Variants in WDR27 observed in about 807,000 individuals in gnomAD.
WDR27 encodes WD repeat domain 27.
WDR27 carries 100 observed loss-of-function variants against 114.4 expected under a neutral mutation model. That is an observed-to-expected ratio of 0.87 (90% confidence interval 0.74 to 1.03). The LOEUF (loss-of-function observed/expected upper bound fraction) is 1.03, where lower values mean the gene tolerates loss of function less well. Among genes scored for constraint, WDR27 ranks in the 50% least tolerant of loss-of-function variants. WDR27 has a pLI of 0.00. For missense variants in WDR27, 1,129 were observed against 1,092.9 expected (o/e 1.03, Z -0.47); for synonymous variants, 449 against 423.1 (o/e 1.06, Z -0.75).
chr6:169,446,796 T>C, the WDR27 span, among the ~76,000 whole-genome samples: 1 of 152,224 alleles, frequency 6.6e-6, no homozygotes. Context: ...TGATAACCAC[T>C]TGGTTATTAA....
Position 169,602,324 on chromosome 6 carries a change from A to G in WDR27, c.2322-3T>C. On this transcript the variant is annotated splice_region_variant and splice_polypyrimidine_tract_variant and intron_variant, in intron 22 of 25. Transcript: ENST00000448612. Reference sequence around the variant, plus strand: ...GCCCTTCAAAGTGGCGCTCACACCTACAGGGAGGAAAGAAACACCAGGAGA... The same window carrying G: ...GCCCTTCAAAGTGGCGCTCACACCTGCAGGGAGGAAAGAAACACCAGGAGA... 2.0e-6 allele frequency: 3 copies of G among 1,514,062 alleles called. No homozygotes were observed. Among genetic ancestry groups the G allele is most frequent in the African/African-American group, 1.4e-5 (1 of 72,846 alleles). The allele number at this position is 1,514,062 out of a possible 1,614,324, so 93.8% of individuals were successfully genotyped here. A position where few individuals can be genotyped will look rare whatever the true frequency, so the allele number is the denominator to read the frequency against.
intron 21 of WDR27, among the ~76,000 whole-genome samples, chr6:169,621,179 C>T (rs1286134933): frequency 6.6e-6 from 1 of 152,074 alleles, no homozygotes; most frequent in African/African-American, 2.4e-5. Flanking sequence ...CATGCATGCA[C>T]ATATACATAC....
At chr6:169,561,634 A>G (rs1439682170) in intron 25 of WDR27, among the ~76,000 whole-genome samples, 1 of 151,986 alleles carries the variant, frequency 6.6e-6, no homozygotes, top group Non-Finnish European at 1.5e-5. Flanking sequence ...GGGCCAAAAG[A>G]AAGCACAAAA....
At chr6:169,478,562 GAAA>G (rs145057081) in intron 25 of WDR27, among the ~76,000 whole-genome samples, 11 of 145,612 alleles carry the variant, frequency 7.6e-5, no homozygotes. Flanking sequence ...AATGCCCAAA[GAAA>G]AAAAAAAGAT....
rs770325323 is a variant in WDR27, at chr6:169,660,785, G to C, written c.1026-19C>G. 4.4e-6 allele frequency: 7 copies of C among 1,603,724 alleles called. No individual in the cohort carries two copies. Among genetic ancestry groups the C allele is most frequent in the Non-Finnish European group, 6.0e-6 (7 of 1,172,978 alleles). On this transcript the variant is annotated intron_variant, in intron 9 of 25. Coordinates refer to ENST00000448612, the MANE Select transcript of WDR27 (RefSeq NM_182552.5). ...AGAAAGACTGATTTAAGGAAAAAAA[G>C]AAAAGAATACACAATAATCTTATTC... is the stretch of plus-strand genomic sequence containing the variant.
rs1399336290 is a variant in WDR27 at position 169,635,607 on chromosome 6, A to G, written c.2003+764T>C. On this transcript the variant is annotated intron_variant, in intron 19 of 25. Transcript: ENST00000448612. ...TCGGGGATTCCTTGCAAGCCCATCTATCAGATGCGATCGGATGGAAGCCCA... is the reference window on the plus strand; with the variant it reads ...TCGGGGATTCCTTGCAAGCCCATCTGTCAGATGCGATCGGATGGAAGCCCA... 2.6e-5 allele frequency among the ~76,000 whole-genome samples: 4 copies of G among 152,226 alleles called. No homozygotes were observed. The South Asian group carries it at 8.3e-4, about 31-fold the overall frequency.
intron 25 of WDR27, among the ~76,000 whole-genome samples, chr6:169,476,217 A>G (rs1483665052): frequency 6.6e-6 from 1 of 152,142 alleles, no homozygotes; most frequent in South Asian, 2.1e-4. Context: ...GATGCACCAT[A>G]ATCTAAGCCC....
intron 17 of WDR27, among the ~76,000 whole-genome samples, chr6:169,643,038 G>A (rs544040009): frequency 1.3e-5 from 2 of 152,130 alleles, no homozygotes; most frequent in African/African-American, 2.4e-5. Flanking sequence ...TGGATTTGGG[G>A]GTATTTGGAT....
chr6:169,607,801 T>A (rs1809562553), intron 22 of WDR27, among the ~76,000 whole-genome samples: 1 of 152,114 alleles, frequency 6.6e-6, no homozygotes. Flanking sequence ...TAAGCAATAA[T>A]CACTAGAAAA....
At chr6:169,592,568 T>G (rs547150792) in intron 23 of WDR27, among the ~76,000 whole-genome samples, 2 of 152,340 alleles carry the variant, frequency 1.3e-5, no homozygotes, top group Non-Finnish European at 2.9e-5. Context: ...ACTTAATTAT[T>G]TTATTGTTCA....
chr6:169,606,965 T>C (rs1418486198), intron 22 of WDR27, among the ~76,000 whole-genome samples: 3 of 152,076 alleles, frequency 2.0e-5, no homozygotes, highest in Non-Finnish European at 4.4e-5. Context: ...GATATACAAA[T>C]GGCCAGCAAG....
At chr6:169,470,645 G>C (rs1786248043) in intron 25 of WDR27, among the ~76,000 whole-genome samples, 1 of 152,284 alleles carries the variant, frequency 6.6e-6, no homozygotes, top group East Asian at 1.9e-4. Context: ...AAGAGAGGGA[G>C]ACAGACAGAA....
intron 25 of WDR27, among the ~76,000 whole-genome samples, chr6:169,549,173 A>G (rs1797799552): frequency 6.6e-6 from 1 of 152,234 alleles, no homozygotes; most frequent in Admixed American, 6.5e-5. Flanking sequence ...ACTGCTATCT[A>G]ATATATACAA....
Position 169,659,606 on chromosome 6 carries a change from A to T in WDR27, c.1130-88T>A. ...TCACTGCCCAGAGCCCACCACACACAGCCCAGAGCCCACCACACACAGTCC... is the reference window on the plus strand; with the variant it reads ...TCACTGCCCAGAGCCCACCACACACTGCCCAGAGCCCACCACACACAGTCC... On this transcript the variant is annotated intron_variant, in intron 10 of 25. Transcript: ENST00000448612. This position sits in a 1 kb window ranked among gnomAD's most constrained non-coding sequence, Gnocchi z 4.3. 8.1e-7 allele frequency: 1 copy of T among 1,242,094 alleles called. No individual in the cohort carries two copies. Among genetic ancestry groups the T allele is most frequent in the Non-Finnish European group, 1.1e-6 (1 of 873,234 alleles). The allele number at this position is 1,242,094 out of a possible 1,614,324, so 76.9% of individuals were successfully genotyped here. A position where few individuals can be genotyped will look rare whatever the true frequency, so the allele number is the denominator to read the frequency against.
At chr6:169,462,815 T>C (rs1022463959) in intron 25 of WDR27, among the ~76,000 whole-genome samples, 4 of 152,146 alleles carry the variant, frequency 2.6e-5, no homozygotes, top group African/African-American at 9.7e-5. Context: ...TCAACAAAAA[T>C]TGATCAATGC....
chr6:169,467,497 C>T (rs1785745524), intron 25 of WDR27, among the ~76,000 whole-genome samples: 1 of 152,262 alleles, frequency 6.6e-6, no homozygotes. Flanking sequence ...TTCTTGACTT[C>T]TGTGCATCTG....
At chr6:169,579,897 G>A (rs1352642642) in intron 24 of WDR27, among the ~76,000 whole-genome samples, 1 of 152,136 alleles carries the variant, frequency 6.6e-6, no homozygotes, top group Non-Finnish European at 1.5e-5. Flanking sequence ...AACCCTGCTG[G>A]GCTAAGCCCC....
chr6:169,698,649 C>T (rs1346129382), intron 1 of WDR27, among the ~76,000 whole-genome samples: 1 of 152,244 alleles, frequency 6.6e-6, no homozygotes, highest in Non-Finnish European at 1.5e-5. Context: ...GACCACATTT[C>T]CAGCCTCTGA....
intron 25 of WDR27, among the ~76,000 whole-genome samples, chr6:169,516,835 A>ACACACACACACACACACC (rs1491176990): frequency 1.4e-5 from 2 of 144,554 alleles, no homozygotes; most frequent in African/African-American, 2.7e-5. Context: ...ACACACACAC[A>ACACACACACACACACACC]CCCCTCCCTT....
Sources: gnomAD v4.1 joint callset for allele counts (sites outside exome capture counted in the v4.1 genomes callset) on GRCh38, gnomAD v4.1.1 for gene constraint, Gnocchi (gnomAD v3.1) non-coding constraint, MANE v1.5 for transcripts, NCBI Gene and HGNC (gene_info 2026-07-23, HGNC 2026-07-21) for gene names.